The following SEZ6L variants were observed in gnomAD, a reference collection of about 807,000 sequenced individuals.
SEZ6L encodes the protein seizure related 6 homolog like.
Under a neutral mutation model 106.2 loss-of-function variants are expected in SEZ6L, and 37 were observed. That is an observed-to-expected ratio of 0.35 (90% CI 0.27 to 0.46). The LOEUF is 0.46. Among genes scored for constraint, SEZ6L ranks in the 20% least tolerant of loss-of-function variants. The pLI, the probability that SEZ6L is intolerant of heterozygous loss-of-function variation, is 1.00. For missense variants in SEZ6L, 1,172 were observed against 1,332.8 expected (o/e 0.88, Z 1.88); for synonymous variants, 541 against 570.4 (o/e 0.95, Z 0.73).
intron 1 of SEZ6L, among the ~76,000 whole-genome samples, chr22:26,208,846 CTCTCTGTGTGTGTGTGTG>C (rs746425239): frequency 7.6e-5 from 9 of 118,216 alleles, no homozygotes; most frequent in South Asian, 3.0e-4. Context: ...TCTTGACTCT[CTCTCTGTGTGTGTGTGTG>C]TGTGTGTGTG....
chr22:26,273,068 T>C (rs2080420870), intron 1 of SEZ6L, among the ~76,000 whole-genome samples: 1 of 152,266 alleles, frequency 6.6e-6, no homozygotes, highest in Non-Finnish European at 1.5e-5. Flanking sequence ...GTTGCTATCA[T>C]CATGTGAATG....
intron 12 of SEZ6L, among the ~76,000 whole-genome samples, chr22:26,363,684 C>G (rs1225014862): frequency 6.6e-6 from 1 of 152,134 alleles, no homozygotes; most frequent in Non-Finnish European, 1.5e-5. Flanking sequence ...TTCTGTGGGT[C>G]AGAAATCTGG....
chr22:26,347,924 T>A lies in SEZ6L; in HGVS notation c.2407+11T>A. On this transcript the variant is annotated intron_variant, in intron 11 of 16. Coordinates refer to ENST00000248933, the MANE Select transcript of SEZ6L (RefSeq NM_021115.5). The stretch of plus-strand genomic sequence containing the variant: ...CATTTTGTGAGAAAAGTAAGAGTGG[T>A]CTTGTTTCCTTCCTCTAGGTCCCTG... 6.4e-7 allele frequency: 1 copy of A among 1,551,352 alleles called. No homozygotes were observed. Among genetic ancestry groups the A allele is most frequent in the Non-Finnish European group, 8.7e-7 (1 of 1,155,516 alleles).
At chr22:26,233,934 A>G (rs2078878842) in intron 1 of SEZ6L, among the ~76,000 whole-genome samples, 2 of 152,348 alleles carry the variant, frequency 1.3e-5, no homozygotes, top group African/African-American at 4.8e-5. Context: ...GGCAAGCACC[A>G]GATGGAGGAC....
intron 1 of SEZ6L, among the ~76,000 whole-genome samples, chr22:26,184,314 CT>C (rs1353060927): frequency 6.6e-6 from 1 of 152,190 alleles, no homozygotes; most frequent in African/African-American, 2.4e-5. Flanking sequence ...AAGGGTGCCC[CT>C]CTACCCCACT....
At chr22:26,292,034 AGGAT>A (rs879676680) in intron 1 of SEZ6L, among the ~76,000 whole-genome samples, 7,003 of 47,140 alleles carry the variant, frequency 0.15, 449 homozygotes, top group African/African-American at 0.2. Context: ...GAAGGAAGGA[AGGAT>A]GGATGGAAGG....
chr22:26,221,150 C>A (rs143882157), intron 1 of SEZ6L, among the ~76,000 whole-genome samples: 1 of 152,038 alleles, frequency 6.6e-6, no homozygotes, highest in Non-Finnish European at 1.5e-5. Context: ...AACCCAGATC[C>A]CTTCTTTTGC....
intron 9 of SEZ6L, among the ~76,000 whole-genome samples, chr22:26,336,271 A>G (rs1051544256): frequency 6.6e-6 from 1 of 152,062 alleles, no homozygotes; most frequent in Non-Finnish European, 1.5e-5. Flanking sequence ...TGGAAACTGG[A>G]GGATAAATAC....
At chr22:26,307,316 G>A (rs2081661719) in intron 6 of SEZ6L, among the ~76,000 whole-genome samples, 1 of 152,174 alleles carries the variant, frequency 6.6e-6, no homozygotes, top group Non-Finnish European at 1.5e-5. Context: ...GTTGACTGCT[G>A]AGGGGTAGGA....
At chr22:26,235,953 G>T (rs1468330473) in intron 1 of SEZ6L, among the ~76,000 whole-genome samples, 1 of 152,238 alleles carries the variant, frequency 6.6e-6, no homozygotes, top group Non-Finnish European at 1.5e-5. Context: ...GAGTCACTGG[G>T]CTTGCGGCCT....
chr22:26,365,671 G>T, intron 13 of SEZ6L, 105 bp downstream of exon 13: 1 of 1,019,764 alleles, frequency 9.8e-7, no homozygotes, highest in African/African-American at 1.6e-5. Flanking sequence ...CTAGGAGTTC[G>T]AGACCAGCCG....
intron 13 of SEZ6L, among the ~76,000 whole-genome samples, chr22:26,365,875 A>G (rs1454457234): frequency 2.6e-5 from 4 of 151,994 alleles, no homozygotes; most frequent in Non-Finnish European, 5.9e-5. Context: ...TATCTCAAAA[A>G]AATTAAATTA....
At chr22:26,232,374 A>G (rs976352681) in intron 1 of SEZ6L, among the ~76,000 whole-genome samples, 4 of 150,810 alleles carry the variant, frequency 2.7e-5, no homozygotes, top group African/African-American at 9.8e-5. Context: ...ACACACACAC[A>G]CACACACACA....
At chr22:26,379,556 C>T (rs2084346628) in intron 16 of SEZ6L, among the ~76,000 whole-genome samples, 1 of 152,216 alleles carries the variant, frequency 6.6e-6, no homozygotes, top group Non-Finnish European at 1.5e-5. Flanking sequence ...ACTTCCAGGG[C>T]TGAGCCTTCT....
intron 5 of SEZ6L, 101 bp downstream of exon 5, chr22:26,299,270 C>A (rs1429033306): frequency 3.0e-6 from 3 of 1,006,102 alleles, no homozygotes; most frequent in Non-Finnish European, 3.9e-6. Context: ...TGGCTTTCAG[C>A]CCAGGGGAAG....
intron 1 of SEZ6L, among the ~76,000 whole-genome samples, chr22:26,256,461 G>T (rs75925535): frequency 6.6e-6 from 1 of 152,180 alleles, no homozygotes; most frequent in Non-Finnish European, 1.5e-5. Flanking sequence ...CCCATGGCTT[G>T]CTCTGTGCCA....
intron 9 of SEZ6L, among the ~76,000 whole-genome samples, chr22:26,319,445 A>G (rs986160442): frequency 2.0e-5 from 3 of 152,196 alleles, no homozygotes; most frequent in East Asian, 1.9e-4. Context: ...AAAAGGCCCT[A>G]TGGGATCTAG....
intron 1 of SEZ6L, among the ~76,000 whole-genome samples, chr22:26,183,864 C>G (rs980147576): frequency 6.6e-6 from 1 of 152,124 alleles, no homozygotes; most frequent in African/African-American, 2.4e-5. Context: ...AAATTAATTC[C>G]TTTGGGTCCT....
At chr22:26,205,129 A>T (rs1157534920) in intron 1 of SEZ6L, among the ~76,000 whole-genome samples, 2 of 152,198 alleles carry the variant, frequency 1.3e-5, no homozygotes, top group Non-Finnish European at 2.9e-5. Flanking sequence ...GAGAAGAGAA[A>T]CTCGCTTTAT....
Sources: gnomAD v4.1 joint callset for allele counts (sites outside exome capture counted in the v4.1 genomes callset) on GRCh38, gnomAD v4.1.1 for gene constraint, MANE v1.5 for transcripts, NCBI Gene and HGNC (gene_info 2026-07-23, HGNC 2026-07-21) for gene names.